PCDH15: variants seen among roughly 807,000 people sequenced by gnomAD.
The protein encoded by PCDH15 is protocadherin related 15, also known as protocadherin-15.
In PCDH15, 129 loss-of-function variants were observed where a neutral mutation model predicts 178.5. The observed-to-expected ratio is 0.72, with a 90% CI of 0.63 to 0.84. The LOEUF is 0.84. Among genes scored for constraint, PCDH15 ranks in the 40% least tolerant of loss-of-function variants. The pLI, the probability that PCDH15 is intolerant of heterozygous loss-of-function variation, is 0.00. For missense variants in PCDH15, 2,230 were observed against 2,099.9 expected (o/e 1.06, Z -1.21); for synonymous variants, 800 against 732.0 (o/e 1.09, Z -1.50).
chr10:55,045,509 A>C (rs1044660760), intron 2 of PCDH15, among the ~76,000 whole-genome samples: 3 of 152,144 alleles, frequency 2.0e-5, no homozygotes, highest in Non-Finnish European at 4.4e-5. Flanking sequence ...GTGGGTACAC[A>C]ATCATGACAT....
At chr10:55,592,772 G>A (rs1282286549) in intron 2 of PCDH15, among the ~76,000 whole-genome samples, 2 of 151,936 alleles carry the variant, frequency 1.3e-5, no homozygotes, top group African/African-American at 2.4e-5. Context: ...TTAAAACTAC[G>A]TCAAACTGTT....
At chr10:54,702,773 G>C (rs1246217801) in intron 1 of PCDH15, among the ~76,000 whole-genome samples, 1 of 151,990 alleles carries the variant, frequency 6.6e-6, no homozygotes, top group African/African-American at 2.4e-5. Flanking sequence ...AATTCTACCA[G>C]ATGTATAAAG....
At position 54,735,759 on chromosome 10, in the gene PCDH15, C is replaced by T. The variant is rs373434111; in HGVS notation, c.-29+65166G>A. Among the ~76,000 whole-genome samples the T allele has an allele frequency of 8.4e-3, 960 of 114,178 alleles. 19 individuals carry two copies. Among genetic ancestry groups the T allele is most frequent in the East Asian group, 0.042 (189 of 4,498 alleles). The allele number at this position is 114,178 out of a possible 152,430, so 74.9% of individuals were successfully genotyped here. Reference sequence around the variant, plus strand: ...GAAATCATCATTCTCAGTAAACTATCGCAAGAACAAAAAACCAAACACCGC... The same window carrying T: ...GAAATCATCATTCTCAGTAAACTATTGCAAGAACAAAAAACCAAACACCGC... On this transcript the variant is annotated intron_variant, in intron 1 of 37. Transcript: ENST00000644397.
chr10:54,740,235 A>G (rs1298031100), intron 1 of PCDH15, among the ~76,000 whole-genome samples: 1 of 152,058 alleles, frequency 6.6e-6, no homozygotes, highest in Non-Finnish European at 1.5e-5. Flanking sequence ...ATCTTAATAG[A>G]TATTTTTAAG....
In PCDH15 at chr10:54,214,129, G is replaced by A. The variant is rs10763086; in HGVS notation, c.986-81C>T. 522,662 of 797,234 alleles carry A rather than the reference G, an allele frequency of 0.66. 179,095 individuals are homozygous for A. The highest frequency in any genetic ancestry group is 0.78 in the African/African-American group (46,082 of 58,906). The allele number at this position is 797,234 out of a possible 1,614,324, so 49.4% of individuals were successfully genotyped here. Reference sequence around the variant, plus strand: ...CTGCTTTTTCTATTTCCCTTCATCAGCTGAGGAACAAAGCTACAATTTCAT... The same window carrying A: ...CTGCTTTTTCTATTTCCCTTCATCAACTGAGGAACAAAGCTACAATTTCAT... On this transcript the variant is annotated intron_variant, in intron 9 of 37. Transcript: ENST00000644397.
intron 1 of PCDH15, among the ~76,000 whole-genome samples, chr10:54,707,933 A>C (rs1307908175): frequency 2.6e-5 from 4 of 152,234 alleles, no homozygotes; most frequent in African/African-American, 9.6e-5. Flanking sequence ...TAGATTGGTC[A>C]TCACTTTTGG....
chr10:54,854,882 G>A (rs1026446818), intron 3 of PCDH15, among the ~76,000 whole-genome samples: 2 of 152,178 alleles, frequency 1.3e-5, no homozygotes, highest in African/African-American at 4.8e-5. Flanking sequence ...CATTACTGGG[G>A]ACCCACCCCC....
At chr10:54,369,648 A>T (rs983920511) in intron 4 of PCDH15, among the ~76,000 whole-genome samples, 2 of 152,168 alleles carry the variant, frequency 1.3e-5, no homozygotes, top group Non-Finnish European at 2.9e-5. Flanking sequence ...CCTGGAGAAG[A>T]GAGATTGTTT....
intron 2 of PCDH15, among the ~76,000 whole-genome samples, chr10:54,982,391 A>G (rs1839258032): frequency 6.6e-6 from 1 of 152,186 alleles, no homozygotes; most frequent in South Asian, 2.1e-4. Context: ...AAAAAGAGTC[A>G]AAGTTTATCT....
chr10:54,514,303 G>C (rs1045557756), intron 3 of PCDH15, among the ~76,000 whole-genome samples: 1 of 151,926 alleles, frequency 6.6e-6, no homozygotes, highest in African/African-American at 2.4e-5. Context: ...TTATAATAAT[G>C]TTCACACAGC....
intron 2 of PCDH15, among the ~76,000 whole-genome samples, chr10:54,648,386 T>C (rs948377984): frequency 2.6e-5 from 4 of 152,136 alleles, no homozygotes; most frequent in African/African-American, 9.7e-5. Flanking sequence ...ATGTGTTTTC[T>C]TGTTGCTTTG....
chr10:54,585,614 G>T, intron 2 of PCDH15: 1 of 79,368 alleles, frequency 1.3e-5, no homozygotes, highest in Admixed American at 1.3e-4. Context: ...AGCAATATGT[G>T]TTTTTTTTTT....
chr10:55,423,542 G>T (rs11004847), intron 2 of PCDH15, among the ~76,000 whole-genome samples: 30,285 of 151,854 alleles, frequency 0.2, 3,993 homozygotes, highest in Non-Finnish European at 0.29. Context: ...TATTTCCAGA[G>T]CTAATTAGCT....
At chr10:54,732,819 A>G (rs960622642) in intron 1 of PCDH15, among the ~76,000 whole-genome samples, 3 of 151,578 alleles carry the variant, frequency 2.0e-5, no homozygotes, top group African/African-American at 7.2e-5. Context: ...GGCAATATAT[A>G]CAAAACATAC....
At chr10:55,310,176 T>A (rs1032567802) in intron 1 of PCDH15, among the ~76,000 whole-genome samples, 5 of 152,210 alleles carry the variant, frequency 3.3e-5, no homozygotes, top group African/African-American at 1.2e-4. Flanking sequence ...TAAAAATCTA[T>A]AATTATTTCC....
At chr10:55,211,616 T>G (rs1429709471) in intron 1 of PCDH15, among the ~76,000 whole-genome samples, 1 of 152,112 alleles carries the variant, frequency 6.6e-6, no homozygotes, top group Non-Finnish European at 1.5e-5. Context: ...AAAGGATGAT[T>G]GATATTTCTA....
intron 31 of PCDH15, 30 bp downstream of exon 31, chr10:53,828,535 A>C (rs1296680768): frequency 6.5e-7 from 1 of 1,529,624 alleles, no homozygotes; most frequent in South Asian, 1.1e-5. Flanking sequence ...ATTACATGAA[A>C]AGGATGTGTA....
intron 2 of PCDH15, among the ~76,000 whole-genome samples, chr10:55,064,189 G>T (rs1349187480): frequency 1.3e-5 from 2 of 152,180 alleles, no homozygotes; most frequent in East Asian, 1.9e-4. Flanking sequence ...GATTATTTTT[G>T]ACTCTTCTTA....
intron 2 of PCDH15, among the ~76,000 whole-genome samples, chr10:54,921,355 G>C (rs1459798479): frequency 6.6e-6 from 1 of 151,510 alleles, no homozygotes; most frequent in African/African-American, 2.4e-5. Context: ...TTAAGTTCAG[G>C]GGTACATGTG....
Sources: allele counts gnomAD v4.1 joint callset (sites outside exome capture counted in the v4.1 genomes callset), GRCh38; gene constraint gnomAD v4.1.1; transcripts MANE v1.5; gene names NCBI Gene and HGNC (gene_info 2026-07-23, HGNC 2026-07-21).